PCDH9: variants seen among roughly 807,000 people sequenced by gnomAD.
PCDH9 encodes protocadherin-9.
PCDH9 carries 24 observed loss-of-function variants against 70.6 expected under a neutral mutation model. The observed-to-expected ratio is 0.34, with a 90% CI of 0.25 to 0.48. The LOEUF (loss-of-function observed/expected upper bound fraction) is 0.48, where lower values mean the gene tolerates loss of function less well. Ranked by LOEUF, PCDH9 falls within the 20% of genes least tolerant of loss-of-function variation. The pLI is 0.99. For synonymous variants in PCDH9, 562 were observed against 558.5 expected (o/e 1.01, Z -0.09); for missense variants, 1,281 against 1,503.6 (o/e 0.85, Z 2.45).
At chr13:67,177,229 T>TATGAAA (rs2088486397) in intron 2 of PCDH9, among the ~76,000 whole-genome samples, 1 of 152,132 alleles carries the variant, frequency 6.6e-6, no homozygotes, top group Non-Finnish European at 1.5e-5. Flanking sequence ...TTCTTGTTAT[T>TATGAAA]AAATAATTCA....
intron 3 of PCDH9, among the ~76,000 whole-genome samples, chr13:66,872,575 C>CT (rs141822598): frequency 0.044 from 6,670 of 151,906 alleles, 494 homozygotes; most frequent in African/African-American, 0.15. Flanking sequence ...TTAATAAAGG[C>CT]TTTTTTTACA....
chr13:66,320,376 C>T (rs1207948523), intron 4 of PCDH9, among the ~76,000 whole-genome samples: 5 of 151,884 alleles, frequency 3.3e-5, no homozygotes, highest in Admixed American at 2.0e-4. Flanking sequence ...CAAATATTAT[C>T]GATACTGCTT....
chr13:66,651,744 A>G (rs1022227610), intron 3 of PCDH9, among the ~76,000 whole-genome samples: 3 of 152,070 alleles, frequency 2.0e-5, no homozygotes, highest in Non-Finnish European at 4.4e-5. Context: ...CCTGATGAAC[A>G]TTGATGCAAA....
At chr13:66,858,892 C>G (rs1035100346) in intron 3 of PCDH9, 4 of 152,102 alleles carry the variant, frequency 2.6e-5, no homozygotes, top group African/African-American at 9.7e-5. Flanking sequence ...CACTTAATGC[C>G]TCATAAAGCC....
At chr13:66,824,717 TAC>T (rs1491119081) in intron 3 of PCDH9, among the ~76,000 whole-genome samples, 3 of 140,350 alleles carry the variant, frequency 2.1e-5, no homozygotes, top group African/African-American at 8.1e-5. Context: ...CATATATATA[TAC>T]ACACACACAT....
intron 3 of PCDH9, among the ~76,000 whole-genome samples, chr13:66,654,323 T>C (rs969920298): frequency 2.0e-5 from 3 of 151,774 alleles, no homozygotes; most frequent in Non-Finnish European, 4.4e-5. Flanking sequence ...CTGGTAAGGG[T>C]AGTGGTGGGG....
At chr13:66,453,895 T>G (rs1160816826) in intron 4 of PCDH9, among the ~76,000 whole-genome samples, 1 of 152,144 alleles carries the variant, frequency 6.6e-6, no homozygotes, top group Admixed American at 6.6e-5. Context: ...CACTTTCTTA[T>G]CAATAACCAA....
chr13:66,723,899 T>A (rs949130631), intron 3 of PCDH9, among the ~76,000 whole-genome samples: 3 of 152,216 alleles, frequency 2.0e-5, no homozygotes, highest in African/African-American at 7.2e-5. Context: ...TGCCAGAGGC[T>A]TGTAGCAATT....
intron 2 of PCDH9, chr13:67,224,496 T>G (rs2089803629): frequency 6.6e-6 from 1 of 152,214 alleles, no homozygotes; most frequent in Admixed American, 6.5e-5. Flanking sequence ...TGAAATAAAT[T>G]AGACAGCGCT....
At chr13:66,737,251 G>C (rs1195722964) in intron 3 of PCDH9, among the ~76,000 whole-genome samples, 2 of 151,976 alleles carry the variant, frequency 1.3e-5, no homozygotes, top group Admixed American at 1.3e-4. Flanking sequence ...TTTTGGTTTT[G>C]TCTGGTTTCT....
chr13:66,455,139 T>C (rs1958293125), intron 4 of PCDH9, among the ~76,000 whole-genome samples: 1 of 152,026 alleles, frequency 6.6e-6, no homozygotes, highest in Non-Finnish European at 1.5e-5. Context: ...AATTGTAAGT[T>C]TCATAATTCA....
intron 2 of PCDH9, among the ~76,000 whole-genome samples, chr13:67,195,017 T>G (rs2089022208): frequency 6.6e-6 from 1 of 152,130 alleles, no homozygotes; most frequent in Admixed American, 6.6e-5. Flanking sequence ...CTGGATCACT[T>G]GTGAAAACTG....
At chr13:66,305,143 C>G (rs1955442651) in intron 4 of PCDH9, 115 bp from the exon 5 acceptor site, 1 of 917,936 alleles carries the variant, frequency 1.1e-6, no homozygotes, top group African/African-American at 1.7e-5. Flanking sequence ...AAAAGTGTAT[C>G]AAGTCAAGCA....
intron 2 of PCDH9, chr13:67,001,866 A>G (rs1201100098): frequency 1.3e-5 from 2 of 152,232 alleles, no homozygotes; most frequent in East Asian, 3.9e-4. Context: ...TACACGGCAG[A>G]AAACTTGTAA....
chr13:66,656,756 A>T (rs946383877), intron 3 of PCDH9, among the ~76,000 whole-genome samples: 2 of 152,134 alleles, frequency 1.3e-5, no homozygotes, highest in East Asian at 3.9e-4. Context: ...AAGTAGGGGG[A>T]TATTTACAAA....
rs545814916 is a variant in PCDH9 at position 66,317,476 on chromosome 13, G to A, written c.3341-12448C>T. On this transcript the variant is annotated intron_variant, in intron 4 of 4. Coordinates refer to ENST00000377865, the MANE Select transcript of PCDH9 (RefSeq NM_203487.3). Reference sequence around the variant, plus strand: ...AGCTATTTTGGAGTTAAAGGGACTGGGAATTCCCCAAAGTAAAATATAATT... The same window carrying A: ...AGCTATTTTGGAGTTAAAGGGACTGAGAATTCCCCAAAGTAAAATATAATT... Among the ~76,000 whole-genome samples the A allele has an allele frequency of 5.9e-5, 9 of 152,228 alleles. No individual in the cohort carries two copies. The South Asian group carries it at 1.2e-3, about 21-fold the overall frequency.
intron 4 of PCDH9, among the ~76,000 whole-genome samples, chr13:66,506,962 G>C (rs1959225717): frequency 6.6e-6 from 1 of 152,194 alleles, no homozygotes; most frequent in African/African-American, 2.4e-5. Flanking sequence ...TGATGGACAA[G>C]TTCTCATTCT....
At chr13:66,682,352 TTATCTATCTATCTATC>T (rs67403062) in intron 3 of PCDH9, among the ~76,000 whole-genome samples, 19,508 of 150,222 alleles carry the variant, frequency 0.13, 2,312 homozygotes, top group African/African-American at 0.31. Context: ...GCTGTATTTA[TTATCTATCTATCTATC>T]TATCTATCTA....
At position 66,679,577 on chromosome 13, in the gene PCDH9, G is replaced by T. The variant is rs2078290513; in HGVS notation, c.3139-48166C>A. On this transcript the variant is annotated intron_variant, in intron 3 of 4. Transcript: ENST00000377865. ...AATTATTATTGCATTTTCTCTGAAA[G>T]ATGAAGAGAATAAAAGGTTTAGGTT... Among the ~76,000 whole-genome samples, 2 of 151,818 alleles carry T rather than the reference G, an allele frequency of 1.3e-5. 1 individual carries two copies. The highest frequency in any genetic ancestry group is 4.2e-4 in the South Asian group (2 of 4,818).
Sources: gnomAD v4.1 joint callset for allele counts (sites outside exome capture counted in the v4.1 genomes callset) on GRCh38, gnomAD v4.1.1 for gene constraint, MANE v1.5 for transcripts, NCBI Gene and HGNC (gene_info 2026-07-23, HGNC 2026-07-21) for gene names.